The following GOLGA6L9 variants were observed in gnomAD, a reference collection of about 807,000 sequenced individuals.
GOLGA6L9 encodes golgin A6 family like 9.
GOLGA6L9 carries 19 observed loss-of-function variants against 51.3 expected under a neutral mutation model. That is an observed-to-expected ratio of 0.37 (90% CI 0.26 to 0.54). The LOEUF (loss-of-function observed/expected upper bound fraction) is 0.54. Among genes scored for constraint, GOLGA6L9 ranks in the 20% least tolerant of loss-of-function variants. The pLI is 0.83. For missense variants in GOLGA6L9, 247 were observed against 464.1 expected, an observed-to-expected ratio of 0.53 and a Z score of 4.30; for synonymous variants, 97 against 184.2, an observed-to-expected ratio of 0.53 and a Z score of 3.83.
At chr15:82,429,240 A>G (rs62011151), upstream of GOLGA6L9, among the ~76,000 whole-genome samples, 40,496 of 151,238 alleles carry the variant, frequency 0.27, 6,953 homozygotes, top group East Asian at 0.59. Context: ...ACACCTGGTT[A>G]GTTTTTGTAT....
chr15:82,436,552 T>C lies in GOLGA6L9; in HGVS notation c.*141T>C, dbSNP rs2031687690. 1.0e-5 allele frequency: 11 copies of C among 1,074,732 alleles called. No homozygotes were observed. In the East Asian group the frequency reaches 2.9e-4, roughly 28 times the overall value. 66.6% of individuals were successfully genotyped at this position (1,074,732 alleles called of 1,614,324 possible). On this transcript the variant is annotated 3_prime_UTR_variant, in exon 9 of 9. Coordinates refer to ENST00000618348, the MANE Select transcript of GOLGA6L9 (RefSeq NM_198181.4). Reference sequence around the variant, plus strand: ...AGTTTAAATTTATTTGTGTTTCTAATTTATAGTTTAAATTTATTTGTTTCT... The same window carrying C: ...AGTTTAAATTTATTTGTGTTTCTAACTTATAGTTTAAATTTATTTGTTTCT...
rs2031415581 is a variant in GOLGA6L9 at position 82,431,881 on chromosome 15, A to G, written c.136A>G (p.Arg46Gly). The change falls in exon 2 of 9, where the codon AGG becomes GGG. Residue 46 changes from arginine (R) to glycine (G), a missense_variant. Transcript: ENST00000618348. ...CCCTGGCATTCCAGCAGGAGCTAAC[A>G]GGAAAAAGAAAATCAATGGCAGTAG... ...KSPGIPAGAN[R>G]KKKINGSSPD... 4.9e-5 allele frequency: 71 copies of G among 1,443,256 alleles called. 2 individuals carry two copies. The highest frequency in any genetic ancestry group is 6.4e-5 in the Non-Finnish European group (70 of 1,091,860). The allele number at this position is 1,443,256 out of a possible 1,614,324, so 89.4% of individuals were successfully genotyped here.
rs2031694211 is a variant in GOLGA6L9, at chr15:82,436,605, T to A, written c.*194T>A. 1.8e-6 allele frequency: 1 copy of A among 570,426 alleles called. No individual in the cohort carries two copies. The highest frequency in any genetic ancestry group is 1.9e-5 in the African/African-American group (1 of 52,994). The allele number at this position is 570,426 out of a possible 1,614,324, so 35.3% of individuals were successfully genotyped here. On this transcript the variant is annotated 3_prime_UTR_variant, in exon 9 of 9. Transcript: ENST00000618348. ...TTTATAGTTTAAATTTATTTGTGTTTCTAATTTATAGTTTAAATTTATTTT... is the reference window on the plus strand; with the variant it reads ...TTTATAGTTTAAATTTATTTGTGTTACTAATTTATAGTTTAAATTTATTTT...
At chr15:82,417,204 T>A in the GOLGA6L9 span, among the ~76,000 whole-genome samples, 2 of 152,240 alleles carry the variant, frequency 1.3e-5, no homozygotes, top group African/African-American at 4.8e-5. Context: ...CTTTGACAAC[T>A]GAATTTTTTT....
the GOLGA6L9 span, among the ~76,000 whole-genome samples, chr15:82,416,622 T>C: frequency 6.6e-6 from 1 of 152,196 alleles, no homozygotes; most frequent in Non-Finnish European, 1.5e-5. Flanking sequence ...TTGGTCTTAA[T>C]AGTCAACTAT....
chr15:82,436,520 A>C lies in GOLGA6L9; in HGVS notation c.*109A>C, dbSNP rs1671233660. On this transcript the variant is annotated 3_prime_UTR_variant, in exon 9 of 9. Transcript: ENST00000618348. ...TAGAGCCACTTATGTTTGTGTTTCT[A>C]ATTTATAGTTTAAATTTATTTGTGT... The C allele has an allele frequency of 5.6e-6, 8 of 1,440,378 alleles. No homozygotes were observed. The highest frequency in any genetic ancestry group is 7.4e-6 in the Non-Finnish European group (8 of 1,077,856). 89.2% of individuals were successfully genotyped at this position (1,440,378 alleles called of 1,614,324 possible).
In GOLGA6L9 at chr15:82,437,969, G is replaced by A. The variant is rs1439342469; in HGVS notation, c.*1558G>A. ...TGTGTAATATTTATGGCTTAAAATGGACTAAAGGTCCTGTTCTTGCCTTGT... is the reference window on the plus strand; with the variant it reads ...TGTGTAATATTTATGGCTTAAAATGAACTAAAGGTCCTGTTCTTGCCTTGT... On this transcript the variant is annotated 3_prime_UTR_variant, in exon 9 of 9. Transcript: ENST00000618348. The A allele has an allele frequency of 8.6e-5, 13 of 151,018 alleles. No homozygotes were observed. Among genetic ancestry groups the A allele is most frequent in the African/African-American group, 3.2e-4 (13 of 40,916 alleles). 9.4% of individuals were successfully genotyped at this position (151,018 alleles called of 1,614,324 possible).
At chr15:82,418,404 G>A in the GOLGA6L9 span, among the ~76,000 whole-genome samples, 1 of 152,306 alleles carries the variant, frequency 6.6e-6, no homozygotes, top group East Asian at 1.9e-4. Flanking sequence ...GGTGGACTTG[G>A]TGTCCACATA....
intron 7 of GOLGA6L9, chr15:82,435,442 G>A (rs2031632719): frequency 4.3e-6 from 1 of 231,348 alleles, no homozygotes; most frequent in African/African-American, 2.8e-5. Context: ...GGAGATGAAG[G>A]TTGCAGTGAG....
At chr15:82,420,621 C>G in the GOLGA6L9 span, among the ~76,000 whole-genome samples, 2 of 151,926 alleles carry the variant, frequency 1.3e-5, no homozygotes, top group Non-Finnish European at 2.9e-5. Flanking sequence ...GGTAACTTGT[C>G]CAAAGTCACA....
chr15:82,418,336 A>G, the GOLGA6L9 span, among the ~76,000 whole-genome samples: 1 of 152,116 alleles, frequency 6.6e-6, no homozygotes, highest in African/African-American at 2.4e-5. Flanking sequence ...TAGGAAGCAG[A>G]AGGAATCTCA....
At chr15:82,421,258 TGG>T in the GOLGA6L9 span, among the ~76,000 whole-genome samples, 17,250 of 93,892 alleles carry the variant, frequency 0.18, 977 homozygotes, top group South Asian at 0.27. Context: ...TTATGCATGG[TGG>T]TAAAGTGGTC....
Position 82,434,444 on chromosome 15 carries a change from C to A in GOLGA6L9, c.844C>A (p.Leu282Met). ...ERLLDEVEELLEQERLRQQDE... is the reference protein window; with the variant it reads ...ERLLDEVEELMEQERLRQQDE... ...GCTGCTGGACGAGGTGGAGGAGCTC[C>A]TGGAGCAGGAGAGGCTTCGGCAACA... The change falls in exon 6 of 9, where the codon CTG becomes ATG. Residue 282 changes from leucine (L) to methionine (M), a missense_variant. This residue lies in a region of GOLGA6L9 where 35 missense variants were observed against 86.2 expected (regional missense o/e 0.41). Transcript: ENST00000618348. The A allele has an allele frequency of 6.5e-7, 1 of 1,547,492 alleles. No individual in the cohort carries two copies. The highest frequency in any genetic ancestry group is 8.7e-7 in the Non-Finnish European group (1 of 1,153,824).
At chr15:82,417,351 C>T in the GOLGA6L9 span, among the ~76,000 whole-genome samples, 3 of 152,092 alleles carry the variant, frequency 2.0e-5, no homozygotes, top group East Asian at 5.8e-4. Flanking sequence ...AGACAAAGAG[C>T]AGTAAGAATT....
rs1241863968 is a variant in GOLGA6L9, at chr15:82,437,820, C to G, written c.*1409C>G. Reference sequence around the variant, plus strand: ...ACAAACTGCAGCACAATCTACTGTTCGTGAATGTCAAAGTGTCATGAGGAA... The same window carrying G: ...ACAAACTGCAGCACAATCTACTGTTGGTGAATGTCAAAGTGTCATGAGGAA... On this transcript the variant is annotated 3_prime_UTR_variant, in exon 9 of 9. Transcript: ENST00000618348. The G allele has an allele frequency of 2.7e-5, 4 of 150,878 alleles. 1 individual carries two copies. The highest frequency in any genetic ancestry group is 5.9e-5 in the Non-Finnish European group (4 of 67,720). 9.3% of individuals were successfully genotyped at this position (150,878 alleles called of 1,614,324 possible). A position where few individuals can be genotyped will look rare whatever the true frequency, so the allele number is the denominator to read the frequency against.
Position 82,431,932 on chromosome 15 carries a change from T to C in GOLGA6L9, c.187T>C (p.Tyr63His). ...CCCTGACACATTCACTTCTGGTGGT[T>C]ACCACTCACCTGGGGATGTGAGTCT... ...SSPDTFTSGG[Y>H]HSPGDSATGI... Residue 63 changes from tyrosine to histidine, a missense_variant, in exon 2 of 9, where the codon TAC becomes CAC. By Grantham distance (83) the Tyr-to-His change is moderately conservative (BLOSUM62 2). Coordinates refer to ENST00000618348, the MANE Select transcript of GOLGA6L9 (RefSeq NM_198181.4). 3.0e-6 allele frequency: 4 copies of C among 1,352,286 alleles called. No individual in the cohort carries two copies. Among genetic ancestry groups the C allele is most frequent in the Non-Finnish European group, 3.9e-6 (4 of 1,022,608 alleles). The allele number at this position is 1,352,286 out of a possible 1,614,324, so 83.8% of individuals were successfully genotyped here.
rs1260128291 is a variant in GOLGA6L9, at chr15:82,429,911, C to T, written c.-169C>T. 23 of 859,062 alleles carry T rather than the reference C, an allele frequency of 2.7e-5. No individual in the cohort carries two copies. The highest frequency in any genetic ancestry group is 1.1e-4 in the South Asian group (8 of 73,872). The allele number at this position is 859,062 out of a possible 1,614,324, so 53.2% of individuals were successfully genotyped here. A position where few individuals can be genotyped will look rare whatever the true frequency, so the allele number is the denominator to read the frequency against. ...CCTCTGGACATGCTGCGCCTGGCCA[C>T]GCCTCCTTTCCCTTTCATCTTTCTC... On this transcript the variant is annotated 5_prime_UTR_variant, in exon 1 of 9. In the 5' UTR this introduces an upstream ATG that the reference lacks. Coordinates refer to ENST00000618348, the MANE Select transcript of GOLGA6L9 (RefSeq NM_198181.4).
At chr15:82,431,402 T>G (rs2150826370) in intron 1 of GOLGA6L9, 1 of 110,124 alleles carries the variant, frequency 9.1e-6, no homozygotes, top group Middle Eastern at 3.5e-3. Flanking sequence ...AGCTGCCTTC[T>G]GCCATGAGGA....
chr15:82,429,798 C>T (rs2031340793), upstream of GOLGA6L9, among the ~76,000 whole-genome samples: 4 of 152,158 alleles, frequency 2.6e-5, no homozygotes, highest in Admixed American at 2.0e-4. Context: ...AGCCCCTCCC[C>T]TCTCCCAGAG....
Sources: gnomAD v4.1 joint callset for allele counts (sites outside exome capture counted in the v4.1 genomes callset) on GRCh38, gnomAD v4.1.1 for gene constraint, gnomAD v4.1.1 regional missense constraint, MANE v1.5 for transcripts, NCBI Gene and HGNC (gene_info 2026-07-23, HGNC 2026-07-21) for gene names.